Variants in NR2C2 observed in about 807,000 individuals in gnomAD.
NR2C2 encodes Nuclear hormone receptor TR4.
A neutral mutation model predicts 62.9 loss-of-function variants in NR2C2; 6 were observed. The observed-to-expected ratio is 0.10, with a 90% CI of 0.05 to 0.19. NR2C2 has a LOEUF of 0.19. NR2C2 is among the 10% of genes least tolerant of loss of function. NR2C2 has a pLI of 1.00. For missense variants in NR2C2, 479 were observed against 762.7 expected (o/e 0.63, Z 4.38); for synonymous variants, 272 against 273.8 (o/e 0.99, Z 0.07).
chr3:14,982,872 T>C (rs1212635136), intron 1 of NR2C2, among the ~76,000 whole-genome samples: 4 of 152,254 alleles, frequency 2.6e-5, no homozygotes, highest in Admixed American at 2.6e-4. Flanking sequence ...AACAATTTGC[T>C]ATGAGCCTTT....
intron 1 of NR2C2, chr3:14,959,691 A>T (rs987698983): frequency 6.6e-5 from 10 of 152,302 alleles, no homozygotes; most frequent in African/African-American, 2.4e-4. Flanking sequence ...TCAAGTGTAT[A>T]AAGAGAGGCG....
intron 1 of NR2C2, among the ~76,000 whole-genome samples, chr3:14,995,758 T>G (rs1254663071): frequency 6.6e-6 from 1 of 152,146 alleles, no homozygotes; most frequent in Non-Finnish European, 1.5e-5. Flanking sequence ...ACTGCCAGAC[T>G]GTTTTTCAAA....
At chr3:15,041,190 ATT>A (rs2042253352) in intron 13 of NR2C2, among the ~76,000 whole-genome samples, 2 of 152,026 alleles carry the variant, frequency 1.3e-5, no homozygotes, top group East Asian at 3.9e-4. Context: ...TTGCATATTC[ATT>A]TTTTCTTTAT....
intron 1 of NR2C2, among the ~76,000 whole-genome samples, chr3:14,968,998 AG>A (rs906681675): frequency 3.6e-5 from 3 of 83,316 alleles, no homozygotes; most frequent in Admixed American, 1.5e-4. Flanking sequence ...GGGTGGGGGG[AG>A]GGGGGAGGGA....
chr3:14,954,626 T>C (rs1038763303), intron 1 of NR2C2, among the ~76,000 whole-genome samples: 2 of 152,202 alleles, frequency 1.3e-5, no homozygotes, highest in African/African-American at 4.8e-5. Flanking sequence ...AAAAGTGTAT[T>C]ATAAACAGTG....
At chr3:15,011,849 T>C (rs2041363193) in intron 2 of NR2C2, among the ~76,000 whole-genome samples, 1 of 152,232 alleles carries the variant, frequency 6.6e-6, no homozygotes, top group South Asian at 2.1e-4. Context: ...TGTCACATAC[T>C]CAGAGATGTC....
At chr3:14,986,777 T>G (rs1401031155) in intron 1 of NR2C2, among the ~76,000 whole-genome samples, 1 of 152,252 alleles carries the variant, frequency 6.6e-6, no homozygotes, top group Admixed American at 6.5e-5. Flanking sequence ...TGGGAGAAGA[T>G]AACATCTTAT....
intron 1 of NR2C2, among the ~76,000 whole-genome samples, chr3:14,949,856 C>G (rs2039294754): frequency 6.6e-6 from 1 of 152,170 alleles, no homozygotes; most frequent in African/African-American, 2.4e-5. Flanking sequence ...CTCTCTTTCT[C>G]TCTCTCGAGA....
At chr3:14,984,361 ATTC>A (rs1354321091) in intron 1 of NR2C2, among the ~76,000 whole-genome samples, 1 of 151,702 alleles carries the variant, frequency 6.6e-6, no homozygotes, top group African/African-American at 2.4e-5. Flanking sequence ...CTATTTTGCT[ATTC>A]TTTTTATAAA....
chr3:14,972,156 T>G (rs2040061362), intron 1 of NR2C2, among the ~76,000 whole-genome samples: 1 of 151,084 alleles, frequency 6.6e-6, no homozygotes, highest in Non-Finnish European at 1.5e-5. Flanking sequence ...TCTCTCTCTT[T>G]TTTTTTTCTT....
intron 1 of NR2C2, among the ~76,000 whole-genome samples, chr3:14,958,339 A>G (rs1382014207): frequency 6.8e-6 from 1 of 147,188 alleles, no homozygotes; most frequent in Non-Finnish European, 1.5e-5. Flanking sequence ...CTTCTGTAGC[A>G]CTTTTTTTTT....
intron 1 of NR2C2, among the ~76,000 whole-genome samples, chr3:14,995,320 C>CAA (rs761643743): frequency 6.0e-4 from 71 of 118,070 alleles, no homozygotes; most frequent in African/African-American, 1.8e-3. Context: ...TTTACCCCCT[C>CAA]AAAAAAAAAA....
intron 1 of NR2C2, among the ~76,000 whole-genome samples, chr3:15,000,937 C>G (rs1172527167): frequency 6.6e-6 from 1 of 151,470 alleles, no homozygotes; most frequent in East Asian, 1.9e-4. Context: ...GCCTCAGCCT[C>G]CTGAGTAGCT....
rs1453574033 is a variant in NR2C2, at chr3:15,049,146, A to G, written c.*6138A>G. ...AATTTGCATTGTTGTGTTTGTATAT[A>G]GAGTATTGCAGTGCATGAATTAGCT... On this transcript the variant is annotated 3_prime_UTR_variant, in exon 14 of 14. Transcript: ENST00000425241. 3 of 152,670 alleles carry G rather than the reference A, an allele frequency of 2.0e-5. No homozygotes were observed. The highest frequency in any genetic ancestry group is 1.9e-4 in the East Asian group (1 of 5,206). 9.5% of individuals were successfully genotyped at this position (152,670 alleles called of 1,614,324 possible).
At chr3:14,951,208 C>T (rs532726046) in intron 1 of NR2C2, among the ~76,000 whole-genome samples, 12 of 152,306 alleles carry the variant, frequency 7.9e-5, no homozygotes, top group Non-Finnish European at 1.0e-4. Context: ...AAGGAACAAG[C>T]CTCCAGTGGG....
chr3:14,950,625 ATTCTT>A, intron 1 of NR2C2, among the ~76,000 whole-genome samples: 1 of 140,012 alleles, frequency 7.1e-6, no homozygotes, highest in Non-Finnish European at 1.5e-5. Flanking sequence ...GATTCTTTTT[ATTCTT>A]TTCTTTATAA....
At chr3:15,004,682 T>A in intron 2 of NR2C2, 1 of 1,556,130 alleles carries the variant, frequency 6.4e-7, no homozygotes, top group African/African-American at 1.4e-5. Flanking sequence ...AAAGATTTAT[T>A]GTTATCTCAA....
intron 1 of NR2C2, among the ~76,000 whole-genome samples, chr3:14,972,302 A>G (rs575321141): frequency 2.0e-4 from 31 of 151,224 alleles, no homozygotes; most frequent in Non-Finnish European, 3.8e-4. Flanking sequence ...AGCCACCTGA[A>G]TAGCTGGGAT....
intron 1 of NR2C2, among the ~76,000 whole-genome samples, chr3:14,960,192 C>T (rs1218303779): frequency 6.6e-6 from 1 of 152,012 alleles, no homozygotes; most frequent in Non-Finnish European, 1.5e-5. Flanking sequence ...ATAAATTTAG[C>T]CTTATTAAAT....
Sources: gnomAD v4.1 joint callset for allele counts (sites outside exome capture counted in the v4.1 genomes callset) on GRCh38, gnomAD v4.1.1 for gene constraint, MANE v1.5 for transcripts, NCBI Gene and HGNC (gene_info 2026-07-23, HGNC 2026-07-21) for gene names.